The following AP5Z1 variants were observed in gnomAD, a reference collection of about 807,000 sequenced individuals.
AP5Z1 encodes the protein adaptor related protein complex 5 subunit zeta 1.
Under a neutral mutation model 83.0 loss-of-function variants are expected in AP5Z1, and 106 were observed. That is an observed-to-expected ratio of 1.28 (90% confidence interval 1.09 to 1.50). AP5Z1 has a LOEUF of 1.50. AP5Z1 is among the 40% of genes most tolerant of loss of function. The pLI, the probability that AP5Z1 is intolerant of heterozygous loss-of-function variation, is 0.00. For missense variants in AP5Z1, 1,565 were observed against 1,094.2 expected (o/e 1.43, Z -6.07); for synonymous variants, 751 against 514.1 (o/e 1.46, Z -6.23).
chr7:4,783,484 G>A (rs751931321), intron 4 of AP5Z1, 24 bp downstream of exon 4: 8 of 1,605,458 alleles, frequency 5.0e-6, no homozygotes, highest in East Asian at 2.2e-5. Flanking sequence ...CTCCCAAGAG[G>A]CTGTTGGGGG....
At chr7:4,777,099 C>T (rs973381660) in intron 1 of AP5Z1, among the ~76,000 whole-genome samples, 1 of 152,184 alleles carries the variant, frequency 6.6e-6, no homozygotes, top group African/African-American at 2.4e-5. Flanking sequence ...TAGGAAGAGG[C>T]TTGGTGAATA....
chr7:4,784,568 G>T (rs1162646491), intron 6 of AP5Z1, among the ~76,000 whole-genome samples, 197 bp downstream of exon 6: 2 of 152,162 alleles, frequency 1.3e-5, no homozygotes, highest in African/African-American at 2.4e-5. Context: ...GGGGTCCAGG[G>T]TCAGCACCGG....
At position 4,788,162 on chromosome 7, in the gene AP5Z1, C is replaced by A; in HGVS notation, c.1463C>A (p.Pro488Gln). 6.4e-7 allele frequency: 1 copy of A among 1,552,006 alleles called. No individual in the cohort carries two copies. Residue 488 changes from proline to glutamine, a missense_variant, in exon 12 of 17, where the codon CCG (proline) becomes CAG (glutamine). Coordinates refer to ENST00000649063, the MANE Select transcript of AP5Z1 (RefSeq NM_014855.3). ...GGCGTCTGTCCACGCAGGTCAGCAC[C>A]GGCTGCATCCGAGAGGCCACTCTGG... ...AVLDLQLRSA[P>Q]AASERPLWDT...
rs560077241 is a variant in AP5Z1 at position 4,787,450 on chromosome 7, C to T, written c.1312-184C>T. 3.2e-4 allele frequency: 264 copies of T among 836,100 alleles called. 1 individual carries two copies. The highest frequency in any genetic ancestry group is 2.1e-3 in the East Asian group (74 of 34,862). 51.8% of individuals were successfully genotyped at this position (836,100 alleles called of 1,614,324 possible). On this transcript the variant is annotated intron_variant, in intron 10 of 16. Coordinates refer to ENST00000649063, the MANE Select transcript of AP5Z1 (RefSeq NM_014855.3). The stretch of plus-strand genomic sequence containing the variant: ...GCAGTGAGCTATGATTGCACCACTG[C>T]ACTCCAGCCTGGGCGACAGAGCAAG...
In AP5Z1 at chr7:4,791,393, G is replaced by A; in HGVS notation, c.*8G>A. 6.2e-7 allele frequency: 1 copy of A among 1,600,204 alleles called. No homozygotes were observed. On this transcript the variant is annotated 3_prime_UTR_variant, in exon 17 of 17. Transcript: ENST00000649063. ...GGCCTCATGCCAGGGTGAAGGGACA[G>A]TGGCCAGGGACTTCGGTGCAGATTA... is the stretch of plus-strand genomic sequence containing the variant.
Position 4,791,228 on chromosome 7 carries a change from C to A in AP5Z1, c.2267C>A (p.Thr756Asn), listed in dbSNP as rs563530944. 1 of 1,612,802 alleles carries A rather than the reference C, an allele frequency of 6.2e-7. No homozygotes were observed. Among genetic ancestry groups the A allele is most frequent in the East Asian group, 2.2e-5 (1 of 44,878 alleles). ...AIRTRATELL[T>N]LLKMPSVAQF... The stretch of plus-strand genomic sequence containing the variant: ...CGTACCCGGGCCACAGAGCTGCTGA[C>A]CCTGCTGAAGATGCCTAGCGTGGCC... Residue 756 changes from threonine (T) to asparagine (N), a missense_variant, in exon 17 of 17, where the codon ACC (threonine) becomes AAC (asparagine). Transcript: ENST00000649063.
chr7:4,786,594 C>T (rs1781552388), intron 10 of AP5Z1, among the ~76,000 whole-genome samples, 166 bp downstream of exon 10: 1 of 152,094 alleles, frequency 6.6e-6, no homozygotes, highest in South Asian at 2.1e-4. Context: ...TGGGGTGTCC[C>T]TGCAGCGTCA....
chr7:4,785,554 G>C lies in AP5Z1; in HGVS notation c.1002G>C (p.Val334=). The C allele has an allele frequency of 6.2e-7, 1 of 1,611,878 alleles. No homozygotes were observed. Among genetic ancestry groups the C allele is most frequent in the Non-Finnish European group, 8.5e-7 (1 of 1,179,412 alleles). The change falls in exon 9 of 17, where the codon GTG becomes GTC. Residue 334 remains valine, a synonymous_variant. Coordinates refer to ENST00000649063, the MANE Select transcript of AP5Z1 (RefSeq NM_014855.3). ...TGGAGGCCGTGCTGGTGCTGGACGT[G>C]CTGTGCCGGCAGGACCCGTCCTTCC... The part of the protein sequence containing the change: ...CLVEAVLVLD[V]LCRQDPSFLY...
At chr7:4,781,040 A>G in intron 1 of AP5Z1, 135 bp from the exon 2 acceptor site, 2 of 1,147,300 alleles carry the variant, frequency 1.7e-6, no homozygotes, top group Non-Finnish European at 2.4e-6. Context: ...GAGAGCCATG[A>G]GCCGTGGAAC....
chr7:4,779,916 T>A (rs999402791), intron 1 of AP5Z1, among the ~76,000 whole-genome samples: 2 of 152,166 alleles, frequency 1.3e-5, no homozygotes, highest in African/African-American at 4.8e-5. Context: ...ATGCTAGGAT[T>A]ACAGGTGTGA....
chr7:4,781,301 G>A lies in AP5Z1; in HGVS notation c.168G>A (p.Lys56=), dbSNP rs1248583905. Residue 56 remains lysine, a synonymous_variant, in exon 2 of 17, where the codon AAG becomes AAA. Coordinates refer to ENST00000649063, the MANE Select transcript of AP5Z1 (RefSeq NM_014855.3). ...TCTTCCTCATCATCTCAGCCACGAA[G>A]TACAGCCGGAGGTGAGTGTGGCGAC... ...QRLFLIISAT[K]YSRRLEKTCV... The A allele has an allele frequency of 4.3e-6, 7 of 1,613,372 alleles. No homozygotes were observed. The highest frequency in any genetic ancestry group is 2.7e-5 in the African/African-American group (2 of 74,936).
intron 12 of AP5Z1, 21 bp from the exon 13 acceptor site, chr7:4,788,819 A>G: frequency 4.4e-6 from 7 of 1,577,796 alleles, no homozygotes; most frequent in Non-Finnish European, 6.0e-6. Context: ...GGCAGCACTC[A>G]CGGCCACACT....
chr7:4,783,686 C>T lies in AP5Z1; in HGVS notation c.512-3C>T. On this transcript the variant is annotated splice_polypyrimidine_tract_variant and splice_region_variant and intron_variant, in intron 4 of 16. Transcript: ENST00000649063. ...CCTCCCCATGCCACCCCACCCACTG[C>T]AGACCAGGCCACCCTGCTCAGCAAG... The T allele has an allele frequency of 1.3e-6, 2 of 1,549,868 alleles. No homozygotes were observed. Among genetic ancestry groups the T allele is most frequent in the South Asian group, 2.4e-5 (2 of 84,010 alleles).
chr7:4,788,289 T>G lies in AP5Z1; in HGVS notation c.1590T>G (p.Thr530=), dbSNP rs1272651979. 1 of 1,589,976 alleles carries G rather than the reference T, an allele frequency of 6.3e-7. No individual in the cohort carries two copies. The highest frequency in any genetic ancestry group is 1.1e-5 in the South Asian group (1 of 87,682). Residue 530 remains threonine, a synonymous_variant, in exon 12 of 17, where the codon ACT becomes ACG. Transcript: ENST00000649063. ...YLLRPKASGA[T]ERLAPLHQLL... is the part of the protein sequence containing the mutation. ...TGCGCCCCAAGGCCAGTGGCGCCAC[T>G]GAGAGGTACGGGGCCCTAGGGCCAG...
intron 13 of AP5Z1, chr7:4,789,163 TCCCCAGTCCCCGTC>T (rs964897157): frequency 5.8e-6 from 3 of 515,600 alleles, no homozygotes; most frequent in East Asian, 3.4e-5. Flanking sequence ...CAGGCCCCGT[TCCCCAGTCCCCGTC>T]CCATCCCCTT....
Position 4,785,564 on chromosome 7 carries a change from C to T in AP5Z1, c.1012C>T (p.Gln338Ter), listed in dbSNP as rs747820001. The change falls in exon 9 of 17, where the codon CAG becomes TAG. Residue 338 changes from glutamine (Q) to a stop codon, truncating the protein, a stop_gained. Coordinates refer to ENST00000649063, the MANE Select transcript of AP5Z1 (RefSeq NM_014855.3). LOFTEE classifies it high-confidence loss of function. ...GCTGGTGCTGGACGTGCTGTGCCGG[C>T]AGGACCCGTCCTTCCTGTACCGAAG... is the stretch of plus-strand genomic sequence containing the variant. ...AVLVLDVLCR[Q>*]DPSFLYRSLS... The T allele has an allele frequency of 1.9e-6, 3 of 1,610,280 alleles. No individual in the cohort carries two copies. Among genetic ancestry groups the T allele is most frequent in the Admixed American group, 1.7e-5 (1 of 59,616 alleles).
chr7:4,790,932 G>C lies in AP5Z1; in HGVS notation c.2153+45G>C, dbSNP rs370333104. The C allele has an allele frequency of 1.0e-4, 161 of 1,534,224 alleles. No homozygotes were observed. In the African/African-American group the frequency reaches 2.1e-3, roughly 20 times the overall value. On this transcript the variant is annotated intron_variant, in intron 16 of 16. Coordinates refer to ENST00000649063, the MANE Select transcript of AP5Z1 (RefSeq NM_014855.3). The stretch of plus-strand genomic sequence containing the variant: ...GCGAAGCCTTCTGGCTCCTGGGGAA[G>C]AGAGGTGGCTTCTGAGGTCTTCCCA...
At chr7:4,778,803 G>GTTATATATTATATGTTATATTATATATCA (rs1781290156) in intron 1 of AP5Z1, among the ~76,000 whole-genome samples, 1 of 143,740 alleles carries the variant, frequency 7.0e-6, no homozygotes, top group Non-Finnish European at 1.5e-5. Context: ...ATAATTATAT[G>GTTATATATTATATGTTATATTATATATCA]TTATATATTA....
At position 4,788,049 on chromosome 7, in the gene AP5Z1, G is replaced by A. The variant is rs1781611715; in HGVS notation, c.1455-105G>A. On this transcript the variant is annotated intron_variant, in intron 11 of 16. Coordinates refer to ENST00000649063, the MANE Select transcript of AP5Z1 (RefSeq NM_014855.3). ...CCATGCCAAGCCCTTCCTGGCACCC[G>A]AGGTGCTGTGATATTAGGGACACCT... is the stretch of plus-strand genomic sequence containing the variant. The A allele has an allele frequency of 1.5e-5, 21 of 1,424,492 alleles. 2 individuals are homozygous for A. The highest frequency in any genetic ancestry group is 1.2e-4 in the South Asian group (8 of 66,462). The allele number at this position is 1,424,492 out of a possible 1,614,324, so 88.2% of individuals were successfully genotyped here. A position where few individuals can be genotyped will look rare whatever the true frequency, so the allele number is the denominator to read the frequency against.
Sources: allele counts gnomAD v4.1 joint callset (sites outside exome capture counted in the v4.1 genomes callset), GRCh38; gene constraint gnomAD v4.1.1; transcripts MANE v1.5; gene names NCBI Gene and HGNC (gene_info 2026-07-23, HGNC 2026-07-21).